The following ZNF592 variants were observed in gnomAD, a reference collection of about 807,000 sequenced individuals.
The protein encoded by ZNF592 is zinc finger protein 592.
Under a neutral mutation model 80.3 loss-of-function variants are expected in ZNF592, and 11 were observed. The observed-to-expected ratio is 0.14, with a 90% CI of 0.09 to 0.23. ZNF592 has a LOEUF of 0.23. Ranked by LOEUF, ZNF592 falls within the 10% of genes least tolerant of loss-of-function variation. ZNF592 has a pLI of 1.00. For missense variants in ZNF592, 1,420 were observed against 1,633.9 expected, an observed-to-expected ratio of 0.87 and a Z score of 2.26; for synonymous variants, 646 against 640.3, an observed-to-expected ratio of 1.01 and a Z score of -0.13.
intron 1 of ZNF592, among the ~76,000 whole-genome samples, chr15:84,758,134 G>C (rs1465469113): frequency 1.3e-5 from 2 of 149,134 alleles, no homozygotes; most frequent in Admixed American, 6.7e-5. Context: ...CACCACACCC[G>C]GCTAATTTTT....
In ZNF592 at chr15:84,798,745, G is replaced by A; in HGVS notation, c.2894G>A (p.Arg965Lys). 1.2e-6 allele frequency: 2 copies of A among 1,609,634 alleles called. No individual in the cohort carries two copies. The highest frequency in any genetic ancestry group is 1.7e-6 in the Non-Finnish European group (2 of 1,179,876). Residue 965 changes from arginine to lysine, a missense_variant, in exon 8 of 11, where the codon AGG (arginine) becomes AAG (lysine). Physicochemically the swap from Arg to Lys is conservative, Grantham distance 26. Coordinates refer to ENST00000560079, the MANE Select transcript of ZNF592 (RefSeq NM_014630.3). The surrounding 1 kb of genome is among the most constrained non-coding windows in gnomAD (Gnocchi z 4.5). ...SSSLPSGRWGRPEAHRRVEAR... is the reference protein window; with the variant it reads ...SSSLPSGRWGKPEAHRRVEAR... ...TCCCTGCCTTCTGGCCGCTGGGGTA[G>A]GCCTGAAGCCCACCGCAGGGTGGAA...
At position 84,785,517 on chromosome 15, in the gene ZNF592, G is replaced by T. The variant is rs533953398; in HGVS notation, c.2220+622G>T. ...AGTAGAGACAGGGTTTCACCATGTT[G>T]CCCAGGCTGTTCTTGAACTCCTGGC... On this transcript the variant is annotated intron_variant, in intron 4 of 10. Coordinates refer to ENST00000560079, the MANE Select transcript of ZNF592 (RefSeq NM_014630.3). 1.2e-4 allele frequency among the ~76,000 whole-genome samples: 18 copies of T among 152,238 alleles called. No homozygotes were observed. The South Asian group carries it at 3.7e-3, about 32-fold the overall frequency.
At chr15:84,751,432 C>G (rs887137985) in intron 1 of ZNF592, among the ~76,000 whole-genome samples, 11 of 152,220 alleles carry the variant, frequency 7.2e-5, no homozygotes, top group Non-Finnish European at 1.5e-4. Flanking sequence ...CACTTGCTAA[C>G]CAATGATCTT....
Position 84,764,738 on chromosome 15 carries a change from G to A in ZNF592, c.-227G>A, listed in dbSNP as rs2141967628. 5.0e-6 allele frequency: 2 copies of A among 398,864 alleles called. No homozygotes were observed. The highest frequency in any genetic ancestry group is 7.1e-5 in the East Asian group (2 of 28,076). The allele number at this position is 398,864 out of a possible 1,614,324, so 24.7% of individuals were successfully genotyped here. On this transcript the variant is annotated 5_prime_UTR_variant, in exon 2 of 11. Transcript: ENST00000560079. ...TTTGGACTCTAGACCATGTGCCTAG[G>A]TAGAAGTTTTTCCTTTCTCCGCAGC...
intron 3 of ZNF592, among the ~76,000 whole-genome samples, chr15:84,780,888 AT>A (rs1962402262): frequency 6.6e-6 from 1 of 152,108 alleles, no homozygotes; most frequent in Non-Finnish European, 1.5e-5. Flanking sequence ...AGTCTGCGTA[AT>A]CATTTTCATT....
intron 5 of ZNF592, among the ~76,000 whole-genome samples, chr15:84,793,011 A>T (rs575114609): frequency 9.8e-5 from 15 of 152,350 alleles, no homozygotes; most frequent in African/African-American, 3.4e-4. Flanking sequence ...TCTAAGATCA[A>T]ATCCAATCCA....
At chr15:84,774,294 T>A (rs977404988) in intron 2 of ZNF592, among the ~76,000 whole-genome samples, 1 of 152,250 alleles carries the variant, frequency 6.6e-6, no homozygotes, top group African/African-American at 2.4e-5. Context: ...CAGTGATGAA[T>A]GAAATAGATA....
Position 84,782,988 on chromosome 15 carries a change from C to T in ZNF592, c.313C>T (p.His105Tyr). The T allele has an allele frequency of 5.0e-6, 8 of 1,614,156 alleles. No individual in the cohort carries two copies. Among genetic ancestry groups the T allele is most frequent in the Non-Finnish European group, 6.8e-6 (8 of 1,180,032 alleles). ...FRGSDLPPDP[H>Y]NCGKFDSTFM... Reference sequence around the variant, plus strand: ...GGGCTCAGATCTGCCTCCAGATCCCCACAACTGTGGGAAATTTGATTCTAC... The same window carrying T: ...GGGCTCAGATCTGCCTCCAGATCCCTACAACTGTGGGAAATTTGATTCTAC... Residue 105 changes from histidine to tyrosine, a missense_variant, in exon 4 of 11, where the codon CAC (histidine) becomes TAC (tyrosine). By Grantham distance (83) the His-to-Tyr change is moderately conservative. Transcript: ENST00000560079.
intron 10 of ZNF592, 47 bp downstream of exon 10, chr15:84,800,024 T>G: frequency 3.0e-5 from 49 of 1,613,702 alleles, no homozygotes; most frequent in Non-Finnish European, 4.2e-5. Context: ...TCAGTGAGGC[T>G]TGGAGCTGGA....
intron 1 of ZNF592, among the ~76,000 whole-genome samples, chr15:84,762,941 A>T (rs2141965975): frequency 6.6e-6 from 1 of 152,280 alleles, no homozygotes; most frequent in East Asian, 1.9e-4. Flanking sequence ...AGTGTTCTAG[A>T]GCAATGTTGT....
intron 5 of ZNF592, among the ~76,000 whole-genome samples, chr15:84,794,280 T>C (rs1962830562): frequency 6.6e-6 from 1 of 152,200 alleles, no homozygotes; most frequent in Non-Finnish European, 1.5e-5. Flanking sequence ...GATTAACTTT[T>C]TGAGAAACTG....
At chr15:84,775,931 T>C (rs1197162483) in intron 2 of ZNF592, among the ~76,000 whole-genome samples, 2 of 152,260 alleles carry the variant, frequency 1.3e-5, no homozygotes, top group East Asian at 1.9e-4. Flanking sequence ...TTTCCAGATA[T>C]TCCCTAGGTA....
chr15:84,782,585 G>A, intron 3 of ZNF592, 72 bp from the exon 4 acceptor site: 1 of 1,396,158 alleles, frequency 7.2e-7, no homozygotes, highest in Non-Finnish European at 1.0e-6. Context: ...GCATTAGTTT[G>A]ATGGGTGTGT....
chr15:84,756,066 C>G (rs1199780588), intron 1 of ZNF592, among the ~76,000 whole-genome samples: 1 of 152,178 alleles, frequency 6.6e-6, no homozygotes, highest in African/African-American at 2.4e-5. Context: ...CTCAGTCTCT[C>G]ACACAACAGC....
intron 5 of ZNF592, among the ~76,000 whole-genome samples, chr15:84,796,221 CAA>C (rs753718341): frequency 0.16 from 3,980 of 25,406 alleles, 246 homozygotes; most frequent in Middle Eastern, 0.21. Flanking sequence ...GACTCTGTCT[CAA>C]AAAAAAAAAA....
chr15:84,794,834 G>C, intron 5 of ZNF592, among the ~76,000 whole-genome samples: 1 of 152,006 alleles, frequency 6.6e-6, no homozygotes, highest in Non-Finnish European at 1.5e-5. Flanking sequence ...CTTCTGAATT[G>C]GGTTATTTGA....
At chr15:84,800,973 A>G (rs1323261993) in intron 10 of ZNF592, among the ~76,000 whole-genome samples, 4 of 152,234 alleles carry the variant, frequency 2.6e-5, no homozygotes, top group East Asian at 1.9e-4. Context: ...ACATGCTCCA[A>G]TGTATGTTGT....
Position 84,759,659 on chromosome 15 carries a change from G to C in ZNF592, c.-258-5048G>C, listed in dbSNP as rs189605804. On this transcript the variant is annotated intron_variant, in intron 1 of 10. Coordinates refer to ENST00000560079, the MANE Select transcript of ZNF592 (RefSeq NM_014630.3). ...ACCAAACAGTAGGTTTAATTACCAG[G>C]AATTAATTAAGTCAACTGAGAGAAA... 4.1e-4 allele frequency among the ~76,000 whole-genome samples: 62 copies of C among 152,242 alleles called. 2 individuals carry two copies. Among genetic ancestry groups the C allele is most frequent in the Admixed American group, 3.7e-3 (56 of 15,280 alleles).
chr15:84,784,381 C>A lies in ZNF592; in HGVS notation c.1706C>A (p.Ala569Glu). 1 of 1,614,200 alleles carries A rather than the reference C, an allele frequency of 6.2e-7. No homozygotes were observed. Among genetic ancestry groups the A allele is most frequent in the South Asian group, 1.1e-5 (1 of 91,090 alleles). ...AGCTCCAACCCCGTGCCCCTCTATG[C>A]GCCAAATCTCAGCCCGCCTGCGGAC... The part of the protein sequence containing the change: ...LHSSNPVPLY[A>E]PNLSPPADSR... Residue 569 changes from alanine (A) to glutamate (E), a missense_variant, in exon 4 of 11, where the codon GCG (alanine) becomes GAG (glutamate). Coordinates refer to ENST00000560079, the MANE Select transcript of ZNF592 (RefSeq NM_014630.3). The surrounding 1 kb of genome is among the most constrained non-coding windows in gnomAD (Gnocchi z 5.8).
Sources: allele counts gnomAD v4.1 joint callset (sites outside exome capture counted in the v4.1 genomes callset), GRCh38; gene constraint gnomAD v4.1.1; non-coding constraint Gnocchi (gnomAD v3.1); transcripts MANE v1.5; gene names NCBI Gene and HGNC (gene_info 2026-07-23, HGNC 2026-07-21).